FAH: variants seen among roughly 807,000 people sequenced by gnomAD.
FAH encodes the protein fumarylacetoacetase.
In FAH, 47 loss-of-function variants were observed where a neutral mutation model predicts 55.8. The observed-to-expected ratio is 0.84, with a 90% CI of 0.67 to 1.07. FAH has a LOEUF of 1.07. Among genes scored for constraint, FAH ranks in the 50% least tolerant of loss-of-function variants. FAH has a pLI of 0.00. For synonymous variants in FAH, 199 were observed against 207.7 expected, an observed-to-expected ratio of 0.96 and a Z score of 0.36; for missense variants, 495 against 545.9, an observed-to-expected ratio of 0.91 and a Z score of 0.93.
At chr15:80,178,133 G>A (rs545128443) in intron 11 of FAH, among the ~76,000 whole-genome samples, 2 of 152,228 alleles carry the variant, frequency 1.3e-5, no homozygotes, top group East Asian at 1.9e-4. Context: ...CCAGGAGGTC[G>A]AGGCTGCAGT....
chr15:80,171,661 T>G (rs1221159446), intron 7 of FAH, among the ~76,000 whole-genome samples: 4 of 152,116 alleles, frequency 2.6e-5, no homozygotes, highest in African/African-American at 9.7e-5. Flanking sequence ...GGGGTCTCAC[T>G]ATGTTGCTCA....
chr15:80,169,748 T>C (rs2041224301), intron 7 of FAH, among the ~76,000 whole-genome samples: 1 of 152,176 alleles, frequency 6.6e-6, no homozygotes, highest in Non-Finnish European at 1.5e-5. Context: ...TTAGCCAGGA[T>C]GGTCTCGATC....
rs78076412 is a variant in FAH, at chr15:80,178,332, G to A, written c.960+749G>A. ...TCCAGCACCTCAGCAGCCCCGTGGG[G>A]CCCTCCAGGTCACTTCATCACTCCC... On this transcript the variant is annotated intron_variant, in intron 11 of 13. Transcript: ENST00000561421. Among the ~76,000 whole-genome samples the A allele has an allele frequency of 4.7e-4, 72 of 152,288 alleles. 2 individuals carry two copies. The East Asian group carries it at 0.014, about 29-fold the overall frequency.
rs757499006 is a variant in FAH at position 80,168,227 on chromosome 15, C to T, written c.554-37C>T. 3.1e-6 allele frequency: 5 copies of T among 1,606,192 alleles called. No individual in the cohort carries two copies. In the South Asian group the frequency reaches 5.5e-5, roughly 18 times the overall value. On this transcript the variant is annotated intron_variant, in intron 6 of 13. Coordinates refer to ENST00000561421, the MANE Select transcript of FAH (RefSeq NM_000137.4). ...ACAGAGAGTTCTGTGGCCTCACTCA[C>T]AGCACCGTTTTTTTTTTTTTTCTGG...
chr15:80,186,459 C>T, downstream of FAH: 1 of 552,984 alleles, frequency 1.8e-6, no homozygotes, highest in Non-Finnish European at 3.3e-6. Context: ...TTAGTGAGGT[C>T]AGGGGTCTTT....
intron 5 of FAH, chr15:80,162,778 C>A (rs1291999719): frequency 7.9e-6 from 2 of 252,354 alleles, no homozygotes; most frequent in South Asian, 4.8e-5. Flanking sequence ...CGTAGTAGTT[C>A]TCTGATGTCA....
chr15:80,186,082 G>A lies in FAH; in HGVS notation c.1181-48G>A, dbSNP rs370240894. 6.0e-5 allele frequency: 93 copies of A among 1,537,634 alleles called. No individual in the cohort carries two copies. In the African/African-American group the frequency reaches 8.3e-4, roughly 14 times the overall value. On this transcript the variant is annotated intron_variant, in intron 13 of 13. Transcript: ENST00000561421. The stretch of plus-strand genomic sequence containing the variant: ...CTGCCGCTGCCTAGGTGTTGGTTCC[G>A]GTGAGCCCAGCAACTTTGTGACTGA...
At chr15:80,175,580 A>T (rs557956501) in intron 10 of FAH, among the ~76,000 whole-genome samples, 1 of 149,642 alleles carries the variant, frequency 6.7e-6, no homozygotes, top group East Asian at 2.0e-4. Flanking sequence ...TGTCTTGCAG[A>T]CAGACCCGAG....
chr15:80,177,573 C>G lies in FAH; in HGVS notation c.950C>G (p.Ser317Cys). 1 of 1,613,864 alleles carries G rather than the reference C, an allele frequency of 6.2e-7. No individual in the cohort carries two copies. Among genetic ancestry groups the G allele is most frequent in the Non-Finnish European group, 8.5e-7 (1 of 1,179,758 alleles). Reference sequence around the variant, plus strand: ...AGCCAGGCGGCTACCATATGCAAGTCCAATTTTAAGGTAAGCTTTGACGCT... The same window carrying G: ...AGCCAGGCGGCTACCATATGCAAGTGCAATTTTAAGGTAAGCTTTGACGCT... ...GMSQAATICK[S>C]NFKYMYWTML... Residue 317 changes from serine to cysteine, a missense_variant, in exon 11 of 14, where the codon TCC (serine) becomes TGC (cysteine). Coordinates refer to ENST00000561421, the MANE Select transcript of FAH (RefSeq NM_000137.4).
chr15:80,177,266 G>A, intron 10 of FAH: 1 of 489,708 alleles, frequency 2.0e-6, no homozygotes, highest in Non-Finnish European at 3.7e-6. Flanking sequence ...GAAGGATTCT[G>A]AGGCTACATA....
At chr15:80,173,901 C>T (rs945996079) in intron 9 of FAH, 8 of 156,468 alleles carry the variant, frequency 5.1e-5, no homozygotes, top group Non-Finnish European at 8.5e-5. Flanking sequence ...TTTGCACATC[C>T]TCGCTTGAGC....
At chr15:80,177,319 T>C (rs2041292008) in intron 10 of FAH, 2 of 591,598 alleles carry the variant, frequency 3.4e-6, no homozygotes, top group African/African-American at 1.9e-5. Flanking sequence ...TAATGCTGCC[T>C]GCTGTAGGCG....
At chr15:80,181,838 C>A (rs1218479135) in intron 13 of FAH, among the ~76,000 whole-genome samples, 1 of 121,714 alleles carries the variant, frequency 8.2e-6, no homozygotes, top group Admixed American at 8.4e-5. Flanking sequence ...CTCCATCTCC[C>A]AGGTTCAAGC....
At chr15:80,162,708 A>G (rs541811531) in intron 5 of FAH, 16 of 352,960 alleles carry the variant, frequency 4.5e-5, no homozygotes, top group African/African-American at 3.0e-4. Context: ...GAATCCTCAA[A>G]TGTGCCCAGT....
chr15:80,163,084 G>A (rs2041163166), intron 5 of FAH: 1 of 153,938 alleles, frequency 6.5e-6, no homozygotes, highest in South Asian at 2.0e-4. Flanking sequence ...TCTCTCTCGA[G>A]TGAGTGTCTC....
At chr15:80,172,341 A>G in intron 8 of FAH, 93 bp downstream of exon 8, 2 of 943,814 alleles carry the variant, frequency 2.1e-6, no homozygotes, top group Non-Finnish European at 3.4e-6. Flanking sequence ...GGTGCAGGTC[A>G]AAAGTGGCAG....
At chr15:80,162,784 T>C in intron 5 of FAH, 1 of 250,230 alleles carries the variant, frequency 4.0e-6, no homozygotes, top group Non-Finnish European at 7.9e-6. Context: ...AGTTCTCTGA[T>C]GTCACAAGGC....
chr15:80,166,830 G>GTT (rs1290555757), intron 5 of FAH: 9 of 151,724 alleles, frequency 5.9e-5, no homozygotes, highest in Admixed American at 5.9e-4. Flanking sequence ...TAGAGACAGG[G>GTT]TTTCACCTGT....
In FAH at chr15:80,175,094, A is replaced by G. The variant is rs367645005; in HGVS notation, c.913+3A>G. On this transcript the variant is annotated splice_donor_region_variant and intron_variant, in intron 10 of 13. Transcript: ENST00000561421. ...CAACCTCTCTGTTAACCTGAAAGGTATGTTGTAGGGGGACTGACATGGCCA... is the reference window on the plus strand; with the variant it reads ...CAACCTCTCTGTTAACCTGAAAGGTGTGTTGTAGGGGGACTGACATGGCCA... 4 of 1,612,046 alleles carry G rather than the reference A, an allele frequency of 2.5e-6. No individual in the cohort carries two copies. The African/African-American group carries it at 4.0e-5, about 16-fold the overall frequency.
Sources: gnomAD v4.1 joint callset for allele counts (sites outside exome capture counted in the v4.1 genomes callset) on GRCh38, gnomAD v4.1.1 for gene constraint, MANE v1.5 for transcripts, NCBI Gene and HGNC (gene_info 2026-07-23, HGNC 2026-07-21) for gene names.